Variants in WNK2 observed in about 807,000 individuals in gnomAD.
WNK2 encodes the protein serine/threonine-protein kinase WNK2.
A neutral mutation model predicts 192.1 loss-of-function variants in WNK2; 67 were observed. That is an observed-to-expected ratio of 0.35 (90% CI 0.29 to 0.43). The LOEUF (loss-of-function observed/expected upper bound fraction) is 0.43. Ranked by LOEUF, WNK2 falls within the 20% of genes least tolerant of loss-of-function variation. The pLI is 1.00. For synonymous variants in WNK2, 1,439 were observed against 1,393.9 expected (o/e 1.03, Z -0.72); for missense variants, 2,698 against 3,089.7 (o/e 0.87, Z 3.01).
At chr9:93,232,760 C>T (rs981440848) in intron 4 of WNK2, among the ~76,000 whole-genome samples, 145 of 152,126 alleles carry the variant, frequency 9.5e-4, no homozygotes, top group African/African-American at 2.4e-3. Flanking sequence ...CCTTGTGACC[C>T]GCATGGTTGC....
At chr9:93,211,646 CCACCCACTCATT>C (rs1370160152) in intron 2 of WNK2, among the ~76,000 whole-genome samples, 6 of 148,772 alleles carry the variant, frequency 4.0e-5, no homozygotes, top group Non-Finnish European at 7.4e-5. Flanking sequence ...ATCCACTCAC[CCACCCACTCATT>C]CACTCACTCA....
In WNK2 at chr9:93,308,577, C is replaced by T. The variant is rs769333139; in HGVS notation, c.6509C>T (p.Ala2170Val). The T allele has an allele frequency of 3.3e-5, 24 of 728,492 alleles. No individual in the cohort carries two copies. Among genetic ancestry groups the T allele is most frequent in the Admixed American group, 3.0e-4 (14 of 47,110 alleles). 45.1% of individuals were successfully genotyped at this position (728,492 alleles called of 1,614,324 possible). ...GCAGGCTGGGCTGCCCCTGGCGAGG[C>T]GCGGGCTGTGAGTGCGGGGCGGGTG... The part of the protein sequence containing the change: ...AQAGWAAPGE[A>V]RAMTAPRAGV... The change falls in exon 28 of 30, where the codon GCG (alanine) becomes GTG (valine). Residue 2170 changes from alanine (A) to valine (V), a missense_variant. Coordinates refer to ENST00000427277, the MANE Select transcript of WNK2 (RefSeq NM_006648.4).
In WNK2 at chr9:93,268,762, G is replaced by A. The variant is rs375475526; in HGVS notation, c.4033+16G>A. The stretch of plus-strand genomic sequence containing the variant: ...GCCAGCCAAGGTATGAGCAGCAGGC[G>A]CCCACACAAGCCCCTCCCTGTTTCA... On this transcript the variant is annotated intron_variant, in intron 19 of 29. Coordinates refer to ENST00000427277, the MANE Select transcript of WNK2 (RefSeq NM_006648.4). 1.6e-5 allele frequency: 25 copies of A among 1,603,146 alleles called. No individual in the cohort carries two copies. The East Asian group carries it at 2.5e-4, about 16-fold the overall frequency.
intron 6 of WNK2, among the ~76,000 whole-genome samples, chr9:93,238,757 G>A (rs1337865726): frequency 1.3e-5 from 2 of 152,174 alleles, no homozygotes; most frequent in East Asian, 1.9e-4. Flanking sequence ...GAGCCCTGAC[G>A]TGTATTTCAT....
chr9:93,244,549 T>A (rs1176848929), intron 7 of WNK2, among the ~76,000 whole-genome samples: 6 of 152,220 alleles, frequency 3.9e-5, no homozygotes, highest in Admixed American at 6.5e-5. Flanking sequence ...CTGCGGGCTG[T>A]GGCGCCAGCA....
chr9:93,299,322 C>G (rs1322612848), intron 25 of WNK2, 61 bp downstream of exon 25: 1 of 1,508,434 alleles, frequency 6.6e-7, no homozygotes. Flanking sequence ...CAGTGGTGTC[C>G]CCAGGAGCAC....
At chr9:93,235,101 A>C in intron 5 of WNK2, 136 bp downstream of exon 5, 1 of 1,092,512 alleles carries the variant, frequency 9.2e-7, no homozygotes. Context: ...CAGAGGGGGA[A>C]ACTGAGGAGA....
At chr9:93,305,779 G>A (rs1015581049) in intron 26 of WNK2, among the ~76,000 whole-genome samples, 4 of 149,032 alleles carry the variant, frequency 2.7e-5, no homozygotes, top group East Asian at 2.2e-4. Context: ...TAGGTCTCCC[G>A]GGAACAGCGC....
chr9:93,317,821 T>G, intron 29 of WNK2, 190 bp downstream of exon 29: 1 of 1,497,326 alleles, frequency 6.7e-7, no homozygotes, highest in South Asian at 1.3e-5. Context: ...GTGGTCAGCA[T>G]GCCTGGCCCC....
chr9:93,292,055 C>T (rs1849442669), intron 21 of WNK2, among the ~76,000 whole-genome samples: 1 of 152,184 alleles, frequency 6.6e-6, no homozygotes, highest in Non-Finnish European at 1.5e-5. Flanking sequence ...CTTCTCTTGC[C>T]CGGGTTTATT....
intron 19 of WNK2, among the ~76,000 whole-genome samples, chr9:93,269,148 C>G (rs989370855): frequency 6.6e-6 from 1 of 151,946 alleles, no homozygotes; most frequent in African/African-American, 2.4e-5. Context: ...GTGGGAAAGT[C>G]CCTGTTGGTG....
At chr9:93,234,517 C>G (rs1283674835) in intron 4 of WNK2, among the ~76,000 whole-genome samples, 1 of 152,222 alleles carries the variant, frequency 6.6e-6, no homozygotes, top group Non-Finnish European at 1.5e-5. Context: ...CGGACCCCGT[C>G]CCCTGGGAAG....
intron 2 of WNK2, among the ~76,000 whole-genome samples, chr9:93,187,440 C>T (rs953803373): frequency 6.6e-6 from 1 of 152,110 alleles, no homozygotes; most frequent in South Asian, 2.1e-4. Context: ...CTTGTGGTTT[C>T]CCTGCATCTC....
At position 93,263,928 on chromosome 9, in the gene WNK2, T is replaced by G. The variant is rs1564123233; in HGVS notation, c.3591T>G (p.Thr1197=). 1 of 1,612,586 alleles carries G rather than the reference T, an allele frequency of 6.2e-7. No homozygotes were observed. Among genetic ancestry groups the G allele is most frequent in the Non-Finnish European group, 8.5e-7 (1 of 1,179,570 alleles). Residue 1197 remains threonine, a synonymous_variant, in exon 16 of 30, where the codon ACT becomes ACG. Coordinates refer to ENST00000427277, the MANE Select transcript of WNK2 (RefSeq NM_006648.4). ...PRLTILNVCN[T]GDKMVECQLE... The stretch of plus-strand genomic sequence containing the variant: ...GCTGCCCCTTCCAGGTGTGCAACAC[T>G]GGGGACAAGATGGTGGAGTGCCAGC...
Position 93,289,567 on chromosome 9 carries a change from C to T in WNK2, c.4813C>T (p.Pro1605Ser), listed in dbSNP as rs778449894. ...SEVCGGDLAL[P>S]PVPKEAVSGR... ...GGTCTGCGGGGGGGACCTGGCCCTG[C>T]CCCCAGTGCCTAAGGAGGCGGTCTC... The change falls in exon 20 of 30, where the codon CCC becomes TCC. Residue 1605 changes from proline to serine, a missense_variant. Physicochemically the swap from Pro to Ser is moderately conservative, Grantham distance 74. Around this residue, in one of 7 missense-constraint regions of WNK2, gnomAD observed 1,098 missense variants for 1,101.0 expected, o/e 1.00. Coordinates refer to ENST00000427277, the MANE Select transcript of WNK2 (RefSeq NM_006648.4). The T allele has an allele frequency of 2.9e-5, 44 of 1,538,096 alleles. No homozygotes were observed. Among genetic ancestry groups the T allele is most frequent in the East Asian group, 1.6e-4 (7 of 43,774 alleles).
chr9:93,230,829 T>C (rs1838664008), intron 3 of WNK2, 59 bp from the exon 4 acceptor site: 1 of 1,511,512 alleles, frequency 6.6e-7, no homozygotes, highest in Admixed American at 1.9e-5. Flanking sequence ...GGTGGGGGCT[T>C]TGCTAGGGGG....
chr9:93,189,340 T>C (rs10821084), intron 2 of WNK2, among the ~76,000 whole-genome samples: 6 of 152,072 alleles, frequency 3.9e-5, no homozygotes, highest in Non-Finnish European at 8.8e-5. Context: ...GTCTTTCTAC[T>C]TCATAGAGAC....
rs1855142558 is a variant in WNK2 at position 93,318,623 on chromosome 9, G to A, written c.6628+992G>A. The A allele has an allele frequency of 1.9e-6, 3 of 1,587,044 alleles. No individual in the cohort carries two copies. The Admixed American group carries it at 5.1e-5, about 27-fold the overall frequency. ...CGCCCACCCTGTGGAGACAAGTGCA[G>A]CTCCTCCAGCTGGAGAGGCTGCCCT... On this transcript the variant is annotated intron_variant, in intron 29 of 29. Coordinates refer to ENST00000427277, the MANE Select transcript of WNK2 (RefSeq NM_006648.4).
At chr9:93,250,713 A>G (rs1842478185) in intron 8 of WNK2, among the ~76,000 whole-genome samples, 1 of 152,070 alleles carries the variant, frequency 6.6e-6, no homozygotes, top group Admixed American at 6.5e-5. Flanking sequence ...TGACTGTAGT[A>G]GCACATTTAC....
Sources: gnomAD v4.1 joint callset for allele counts (sites outside exome capture counted in the v4.1 genomes callset) on GRCh38, gnomAD v4.1.1 for gene constraint, gnomAD v4.1.1 regional missense constraint, MANE v1.5 for transcripts, NCBI Gene and HGNC (gene_info 2026-07-23, HGNC 2026-07-21) for gene names.